PLCH1: variants seen among roughly 807,000 people sequenced by gnomAD.
PLCH1 encodes the protein phospholipase C eta 1, also known as 1-phosphatidylinositol 4,5-bisphosphate phosphodiesterase eta-1.
A neutral mutation model predicts 126.7 loss-of-function variants in PLCH1; 60 were observed. That is an observed-to-expected ratio of 0.47 (90% CI 0.38 to 0.59). The LOEUF (loss-of-function observed/expected upper bound fraction) is 0.59, where lower values mean the gene tolerates loss of function less well. Among genes scored for constraint, PLCH1 ranks in the 20% least tolerant of loss-of-function variants. The probability of loss-of-function intolerance (pLI) is 0.00; values close to 1 mark genes in which losing one functional copy is unlikely to be tolerated. For missense variants in PLCH1, 1,723 were observed against 2,040.0 expected (o/e 0.84, Z 2.99); for synonymous variants, 719 against 734.9 (o/e 0.98, Z 0.35).
Position 155,497,368 on chromosome 3 carries a change from A to C in PLCH1, c.1846T>G (p.Leu616Val). The part of the protein sequence containing the change: ...TMKLCRELSD[L>V]VVYTNSVAAQ... ...GCCACGGAGTTTGTGTACACAACCA[A>C]ATCAGAGAGTTCTCGGCAGAGCTTC... The change falls in exon 15 of 23, where the codon TTG (leucine) becomes GTG (valine). Residue 616 changes from leucine to valine, a missense_variant. Physicochemically the swap from Leu to Val is conservative, Grantham distance 32. This residue lies in a region of PLCH1 where 776 missense variants were observed against 1,062.9 expected (regional missense o/e 0.73). Transcript: ENST00000460012. 1.2e-6 allele frequency: 2 copies of C among 1,614,056 alleles called. No individual in the cohort carries two copies.
At chr3:155,475,505 T>C (rs1312637579), downstream of PLCH1, among the ~76,000 whole-genome samples, 1 of 151,478 alleles carries the variant, frequency 6.6e-6, no homozygotes, top group Non-Finnish European at 1.5e-5. Flanking sequence ...GTGGGAAAAA[T>C]TACAAAGGAT....
chr3:155,536,573 A>G lies in PLCH1; in HGVS notation c.1363-12569T>C, dbSNP rs531951549. Among the ~76,000 whole-genome samples the G allele has an allele frequency of 7.2e-5, 11 of 152,302 alleles. No homozygotes were observed. The East Asian group carries it at 2.1e-3, about 29-fold the overall frequency. On this transcript the variant is annotated intron_variant, in intron 10 of 22. Transcript: ENST00000460012. ...AAAGAATCAAACAAGTAGAAGAAAGAACTTCAGAGCTTGAAGACAAGGCTT... is the reference window on the plus strand; with the variant it reads ...AAAGAATCAAACAAGTAGAAGAAAGGACTTCAGAGCTTGAAGACAAGGCTT...
chr3:155,718,733 G>A (rs1405196339), intron 1 of PLCH1, among the ~76,000 whole-genome samples: 1 of 152,070 alleles, frequency 6.6e-6, no homozygotes, highest in Non-Finnish European at 1.5e-5. Flanking sequence ...AGCCATGAGG[G>A]ATGACCCAAA....
At chr3:155,619,511 A>AAAG (rs1338271213) in intron 2 of PLCH1, among the ~76,000 whole-genome samples, 45 of 152,068 alleles carry the variant, frequency 3.0e-4, no homozygotes, top group African/African-American at 7.5e-4. Flanking sequence ...AAAAAAAAAA[A>AAAG]AAGAAGAAAA....
At chr3:155,696,932 G>C (rs1228678656) in intron 2 of PLCH1, among the ~76,000 whole-genome samples, 4 of 152,182 alleles carry the variant, frequency 2.6e-5, no homozygotes, top group Non-Finnish European at 5.9e-5. Flanking sequence ...GAAAGCTAAA[G>C]CTTCAAAGAA....
intron 1 of PLCH1, among the ~76,000 whole-genome samples, chr3:155,715,796 G>A (rs358721): frequency 0.18 from 27,124 of 151,284 alleles, 3,539 homozygotes; most frequent in East Asian, 0.39. Flanking sequence ...GTGGAAACAG[G>A]GTCTCACTGT....
chr3:155,730,844 T>C (rs886261140), intron 1 of PLCH1, among the ~76,000 whole-genome samples: 1 of 152,102 alleles, frequency 6.6e-6, no homozygotes, highest in African/African-American at 2.4e-5. Flanking sequence ...CAGCACAGTG[T>C]GGAGAGATAC....
intron 21 of PLCH1, among the ~76,000 whole-genome samples, chr3:155,455,194 A>G (rs1174543735): frequency 6.6e-6 from 1 of 152,082 alleles, no homozygotes; most frequent in Non-Finnish European, 1.5e-5. Flanking sequence ...GGAGGAAGGG[A>G]AGGGGGTGGT....
chr3:155,600,417 T>C (rs1733561772), intron 2 of PLCH1, among the ~76,000 whole-genome samples: 1 of 152,200 alleles, frequency 6.6e-6, no homozygotes, highest in Admixed American at 6.5e-5. Flanking sequence ...AAGAATGGCT[T>C]TGCCACAGGT....
chr3:155,720,206 A>G (rs1051601447), intron 1 of PLCH1, among the ~76,000 whole-genome samples: 4 of 152,142 alleles, frequency 2.6e-5, no homozygotes, highest in African/African-American at 9.7e-5. Flanking sequence ...TTTTCATATA[A>G]TGAATTCTTT....
chr3:155,670,070 G>A (rs1743252065), intron 2 of PLCH1, among the ~76,000 whole-genome samples: 1 of 152,150 alleles, frequency 6.6e-6, no homozygotes, highest in African/African-American at 2.4e-5. Context: ...GTTCATTTTA[G>A]CATTTGATAT....
At chr3:155,475,045 T>A (rs1414070473), downstream of PLCH1, among the ~76,000 whole-genome samples, 1 of 143,542 alleles carries the variant, frequency 7.0e-6, no homozygotes, top group Non-Finnish European at 1.5e-5. Flanking sequence ...ACCTGCACAA[T>A]GTGCACATGT....
intron 10 of PLCH1, among the ~76,000 whole-genome samples, chr3:155,533,477 C>T (rs944509276): frequency 8.5e-5 from 13 of 152,240 alleles, no homozygotes; most frequent in South Asian, 2.1e-4. Flanking sequence ...ACTCAGGAGG[C>T]GGAGGTTGCA....
intron 1 of PLCH1, among the ~76,000 whole-genome samples, chr3:155,721,924 G>C (rs956738793): frequency 2.0e-5 from 3 of 152,020 alleles, no homozygotes; most frequent in Non-Finnish European, 2.9e-5. Flanking sequence ...GCACATGCCT[G>C]TAATCTCAGC....
intron 18 of PLCH1, among the ~76,000 whole-genome samples, chr3:155,492,250 G>A (rs1233635898): frequency 1.3e-5 from 2 of 152,180 alleles, no homozygotes; most frequent in Non-Finnish European, 2.9e-5. Flanking sequence ...AAAGAAAAAA[G>A]ACTGTGGCCG....
chr3:155,690,231 A>G (rs1055483465), intron 2 of PLCH1, among the ~76,000 whole-genome samples: 2 of 152,164 alleles, frequency 1.3e-5, no homozygotes, highest in African/African-American at 4.8e-5. Context: ...CCAGTCACTT[A>G]CCTTCTCATC....
chr3:155,726,508 T>C (rs1012834495), intron 1 of PLCH1, among the ~76,000 whole-genome samples: 1 of 152,192 alleles, frequency 6.6e-6, no homozygotes, highest in Non-Finnish European at 1.5e-5. Context: ...AGTTTAATTA[T>C]ATTTTGTCTA....
chr3:155,547,805 C>T (rs1483019960), intron 10 of PLCH1, among the ~76,000 whole-genome samples: 2 of 148,124 alleles, frequency 1.4e-5, no homozygotes, highest in Admixed American at 6.9e-5. Context: ...AAACCAAACA[C>T]CGCATATTCT....
At position 155,594,423 on chromosome 3, in the gene PLCH1, A is replaced by AG. The variant is rs1223270200; in HGVS notation, c.227-240_227-239insC. 2.0e-5 allele frequency among the ~76,000 whole-genome samples: 3 copies of AG among 151,940 alleles called. No individual in the cohort carries two copies. The East Asian group carries it at 5.8e-4, about 29-fold the overall frequency. On this transcript the variant is annotated intron_variant, in intron 3 of 22. Coordinates refer to ENST00000460012, the MANE Select transcript of PLCH1 (RefSeq NM_014996.4). The stretch of plus-strand genomic sequence containing the variant: ...CCGTCTCTGCTAAAATAAAAAAAAA[A>AG]TTGGCCGGGCACGGTGGCGGGTGCC...
Sources: gnomAD v4.1 joint callset for allele counts (sites outside exome capture counted in the v4.1 genomes callset) on GRCh38, gnomAD v4.1.1 for gene constraint, gnomAD v4.1.1 regional missense constraint, MANE v1.5 for transcripts, NCBI Gene and HGNC (gene_info 2026-07-23, HGNC 2026-07-21) for gene names.